Variants in SLC25A12 observed in about 807,000 individuals in gnomAD.
The protein encoded by SLC25A12 is solute carrier family 25 member 12, also known as electrogenic aspartate/glutamate antiporter SLC25A12, mitochondrial.
In SLC25A12, 32 loss-of-function variants were observed where a neutral mutation model predicts 83.3. The observed-to-expected ratio is 0.38, with a 90% confidence interval of 0.29 to 0.52. The LOEUF is 0.52. Among genes scored for constraint, SLC25A12 ranks in the 20% least tolerant of loss-of-function variants. SLC25A12 has a pLI of 0.84. For synonymous variants in SLC25A12, 267 were observed against 291.1 expected, an observed-to-expected ratio of 0.92 and a Z score of 0.84; for missense variants, 611 against 835.6, an observed-to-expected ratio of 0.73 and a Z score of 3.31.
At chr2:171,864,304 T>C (rs1685235131) in intron 3 of SLC25A12, among the ~76,000 whole-genome samples, 1 of 152,220 alleles carries the variant, frequency 6.6e-6, no homozygotes, top group South Asian at 2.1e-4. Flanking sequence ...AAATTGTCTT[T>C]ATCTAATTCA....
intron 13 of SLC25A12, among the ~76,000 whole-genome samples, chr2:171,796,336 C>T (rs964587247): frequency 2.6e-5 from 4 of 152,200 alleles, no homozygotes; most frequent in Admixed American, 6.5e-5. Flanking sequence ...CAACAACGCA[C>T]AGGACATAAC....
intron 5 of SLC25A12, among the ~76,000 whole-genome samples, chr2:171,842,986 A>G (rs1684711941): frequency 6.6e-6 from 1 of 151,872 alleles, no homozygotes; most frequent in Non-Finnish European, 1.5e-5. Context: ...TCGCCTGGCT[A>G]ATTTTTGTAT....
chr2:171,793,245 C>G (rs17499593), intron 14 of SLC25A12, among the ~76,000 whole-genome samples: 20,573 of 151,922 alleles, frequency 0.14, 1,784 homozygotes, highest in South Asian at 0.2. Flanking sequence ...ACAAAAGCTC[C>G]CACTGGGAAG....
chr2:171,870,710 C>A (rs1226757364), intron 2 of SLC25A12, among the ~76,000 whole-genome samples: 2 of 152,036 alleles, frequency 1.3e-5, no homozygotes, highest in East Asian at 3.9e-4. Context: ...TACAGAAAGT[C>A]AAAAATGTCT....
At chr2:171,789,128 C>T (rs572268302) in intron 15 of SLC25A12, among the ~76,000 whole-genome samples, 145 of 152,174 alleles carry the variant, frequency 9.5e-4, no homozygotes, top group Non-Finnish European at 1.7e-3. Flanking sequence ...AAGTAGGAGA[C>T]TGGGCCAAGT....
chr2:171,868,893 G>A, intron 2 of SLC25A12, 70 bp from the exon 3 acceptor site: 1 of 1,338,866 alleles, frequency 7.5e-7, no homozygotes, highest in Non-Finnish European at 1.1e-6. Flanking sequence ...TAAATGGTTT[G>A]TGAAAAGGTA....
At chr2:171,889,094 C>T (rs1174552611) in intron 2 of SLC25A12, among the ~76,000 whole-genome samples, 2 of 152,136 alleles carry the variant, frequency 1.3e-5, no homozygotes, top group Non-Finnish European at 2.9e-5. Flanking sequence ...CCTCCTCCTT[C>T]CTACTTCAAT....
chr2:171,806,571 G>A (rs899347408), intron 13 of SLC25A12, among the ~76,000 whole-genome samples: 2 of 152,148 alleles, frequency 1.3e-5, no homozygotes, highest in African/African-American at 4.8e-5. Context: ...TCATGATCTA[G>A]TCAACACACA....
chr2:171,868,335 CAG>C (rs1277441351), intron 3 of SLC25A12, among the ~76,000 whole-genome samples: 5 of 107,598 alleles, frequency 4.6e-5, no homozygotes, highest in Admixed American at 2.4e-4. Flanking sequence ...TTTTTTGAGA[CAG>C]AGTTTCGCTC....
intron 12 of SLC25A12, 99 bp downstream of exon 12, chr2:171,810,125 G>A: frequency 9.9e-7 from 1 of 1,006,852 alleles, no homozygotes; most frequent in Non-Finnish European, 1.6e-6. Flanking sequence ...AAAATGCTGA[G>A]ATTATAGGCA....
At chr2:171,888,094 CTTT>C (rs1194293544) in intron 2 of SLC25A12, among the ~76,000 whole-genome samples, 2 of 137,076 alleles carry the variant, frequency 1.5e-5, no homozygotes, top group Non-Finnish European at 3.2e-5. Context: ...TTCTTTTTTC[CTTT>C]TTTTTTTTTT....
intron 13 of SLC25A12, among the ~76,000 whole-genome samples, chr2:171,800,564 C>G (rs938158301): frequency 4.6e-5 from 7 of 152,136 alleles, no homozygotes; most frequent in African/African-American, 1.4e-4. Flanking sequence ...CTTCTAAGAA[C>G]TAACTGGCAG....
At chr2:171,888,333 A>T (rs896542939) in intron 2 of SLC25A12, among the ~76,000 whole-genome samples, 1 of 151,806 alleles carries the variant, frequency 6.6e-6, no homozygotes, top group Admixed American at 6.6e-5. Flanking sequence ...TCCTGGCCTC[A>T]AGTGATCCTC....
At chr2:171,813,256 T>C in intron 11 of SLC25A12, 83 bp downstream of exon 11, 5 of 1,429,488 alleles carry the variant, frequency 3.5e-6, no homozygotes, top group South Asian at 2.3e-5. Flanking sequence ...ATACTACATA[T>C]TGGCTTCCAT....
chr2:171,787,749 A>T, intron 16 of SLC25A12, 40 bp downstream of exon 16: 2 of 1,611,946 alleles, frequency 1.2e-6, no homozygotes, highest in South Asian at 2.2e-5. Context: ...AGGACGCTAG[A>T]GCCAGCCAGC....
chr2:171,786,352 C>T (rs1447529988), intron 17 of SLC25A12, among the ~76,000 whole-genome samples: 2 of 143,716 alleles, frequency 1.4e-5, no homozygotes, highest in East Asian at 4.1e-4. Context: ...CCACTGCACT[C>T]CAGCCTGGGC....
Position 171,813,027 on chromosome 2 carries a change from A to G in SLC25A12, c.1171+312T>C, listed in dbSNP as rs566636201. Among the ~76,000 whole-genome samples the G allele has an allele frequency of 3.8e-4, 58 of 152,254 alleles. 1 individual carries two copies. The highest frequency in any genetic ancestry group is 8.5e-4 in the Admixed American group (13 of 15,290). On this transcript the variant is annotated intron_variant, in intron 11 of 17. Transcript: ENST00000422440. ...TATATTTCTTAACTATCATCCTTGT[A>G]TTCCACCTGCAGATATGTGCCTTGG...
intron 13 of SLC25A12, among the ~76,000 whole-genome samples, chr2:171,807,572 T>C (rs1318713128): frequency 2.0e-5 from 3 of 152,214 alleles, no homozygotes; most frequent in Non-Finnish European, 4.4e-5. Flanking sequence ...GGCAAAGGTA[T>C]GCATGTGCTG....
chr2:171,852,789 C>T, intron 4 of SLC25A12: 1 of 356,922 alleles, frequency 2.8e-6, no homozygotes, highest in Non-Finnish European at 5.6e-6. Flanking sequence ...TGTTAAATGG[C>T]ATTTGCTACA....
Sources: gnomAD v4.1 joint callset for allele counts (sites outside exome capture counted in the v4.1 genomes callset) on GRCh38, gnomAD v4.1.1 for gene constraint, MANE v1.5 for transcripts, NCBI Gene and HGNC (gene_info 2026-07-23, HGNC 2026-07-21) for gene names.